ERBB2: variants seen among roughly 807,000 people sequenced by gnomAD.
ERBB2 encodes receptor tyrosine-protein kinase erbB-2.
Under a neutral mutation model 149.0 loss-of-function variants are expected in ERBB2, and 61 were observed. The ratio of observed to expected loss-of-function variants is 0.41; its 90% CI spans 0.33 to 0.51. ERBB2 has a LOEUF of 0.51. ERBB2 is among the 20% of genes least tolerant of loss of function. The pLI is 0.25. For missense variants in ERBB2, 1,205 were observed against 1,655.1 expected (o/e 0.73, Z 4.72); for synonymous variants, 633 against 678.8 (o/e 0.93, Z 1.05).
In ERBB2 at chr17:39,707,084, G is replaced by A. The variant is rs2058489310; in HGVS notation, c.168G>A (p.Val56=). ...ACCTCTACCAGGGCTGCCAGGTGGT[G>A]CAGGGAAACCTGGAACTCACCTACC... ...LRHLYQGCQV[V]QGNLELTYLP... is the part of the protein sequence containing the mutation. Residue 56 remains valine (V), a synonymous_variant, in exon 2 of 27, where the codon GTG becomes GTA. Coordinates refer to ENST00000269571, the MANE Select transcript of ERBB2 (RefSeq NM_004448.4). 1 of 1,606,058 alleles carries A rather than the reference G, an allele frequency of 6.2e-7. No homozygotes were observed. The highest frequency in any genetic ancestry group is 1.1e-5 in the South Asian group (1 of 89,872).
At chr17:39,697,111 T>C (rs1220843321), upstream of ERBB2, among the ~76,000 whole-genome samples, 5 of 152,154 alleles carry the variant, frequency 3.3e-5, no homozygotes, top group African/African-American at 1.2e-4. Context: ...TAAGACATCC[T>C]GGGCAAATTG....
rs373824622 is a variant in ERBB2, at chr17:39,708,478, C to G, written c.383C>G (p.Pro128Arg). ...GGAGACCCGCTGAACAATACCACCC[C>G]TGTCACAGGGGCCTCCCCAGGAGGC... ...DNGDPLNNTT[P>R]VTGASPGGLR... Residue 128 changes from proline to arginine, a missense_variant, in exon 3 of 27, where the codon CCT (proline) becomes CGT (arginine). Around this residue, in one of 6 missense-constraint regions of ERBB2, gnomAD observed 569 missense variants for 803.5 expected, o/e 0.71. Transcript: ENST00000269571. 5 of 1,614,206 alleles carry G rather than the reference C, an allele frequency of 3.1e-6. No individual in the cohort carries two copies. In the African/African-American group the frequency reaches 5.3e-5, roughly 17 times the overall value.
upstream of ERBB2, among the ~76,000 whole-genome samples, chr17:39,698,282 C>T (rs1244269947): frequency 6.8e-6 from 1 of 147,356 alleles, no homozygotes; most frequent in East Asian, 2.0e-4. Flanking sequence ...TTTTTTGACA[C>T]GGAGTCTCAC....
At chr17:39,719,305 T>A (rs1040063870) in intron 15 of ERBB2, among the ~76,000 whole-genome samples, 2 of 152,020 alleles carry the variant, frequency 1.3e-5, no homozygotes, top group African/African-American at 4.8e-5. Flanking sequence ...CAGATCCATA[T>A]GGATCCTAGA....
chr17:39,704,917 G>A (rs569597539), intron 1 of ERBB2, among the ~76,000 whole-genome samples: 40 of 152,104 alleles, frequency 2.6e-4, no homozygotes, highest in Non-Finnish European at 5.0e-4. Flanking sequence ...GGGAGAATTA[G>A]TGTGTATTTA....
intron 1 of ERBB2, 177 bp from the exon 2 acceptor site, chr17:39,706,813 C>G: frequency 2.1e-6 from 1 of 471,004 alleles, no homozygotes; most frequent in Non-Finnish European, 3.5e-6. Context: ...TTCCCAAGCA[C>G]GCAAGCTTTC....
At chr17:39,693,409 AAC>A (rs2057755042), upstream of ERBB2, 1 of 152,222 alleles carries the variant, frequency 6.6e-6, no homozygotes. Flanking sequence ...TACAGTATAT[AAC>A]ACATATCACA....
intron 7 of ERBB2, among the ~76,000 whole-genome samples, chr17:39,710,926 T>C (rs2058758819): frequency 6.6e-6 from 1 of 152,246 alleles, no homozygotes; most frequent in Non-Finnish European, 1.5e-5. Flanking sequence ...CGTTTTGTTT[T>C]TGAGACCGAA....
chr17:39,725,691 C>T lies in ERBB2; in HGVS notation c.2726-16C>T, dbSNP rs2059717367. ...TCCCTCTGGCCCTCCCACTCCTGAC[C>T]CTGTCTCTGCCTTAGGTGTGACTGT... On this transcript the variant is annotated splice_polypyrimidine_tract_variant and intron_variant, in intron 22 of 26. Transcript: ENST00000269571. This position sits in a 1 kb window ranked among gnomAD's most constrained non-coding sequence, Gnocchi z 4.6. The T allele has an allele frequency of 6.2e-7, 1 of 1,601,756 alleles. No individual in the cohort carries two copies. Among genetic ancestry groups the T allele is most frequent in the Non-Finnish European group, 8.5e-7 (1 of 1,173,466 alleles).
At position 39,712,414 on chromosome 17, in the gene ERBB2, G is replaced by T. The variant is rs2145578949; in HGVS notation, c.1114G>T (p.Gly372Trp). ...GTTTGCTGGCTGCAAGAAGATCTTT[G>T]GGAGCCTGGCATTTCTGCCGGAGAG... ...QEFAGCKKIF[G>W]SLAFLPESFD... The change falls in exon 9 of 27, where the codon GGG becomes TGG. Residue 372 changes from glycine to tryptophan, a missense_variant. By Grantham distance (184) the Gly-to-Trp change is radical. Coordinates refer to ENST00000269571, the MANE Select transcript of ERBB2 (RefSeq NM_004448.4). 3 of 1,613,688 alleles carry T rather than the reference G, an allele frequency of 1.9e-6. No individual in the cohort carries two copies. Among genetic ancestry groups the T allele is most frequent in the Non-Finnish European group, 2.5e-6 (3 of 1,179,782 alleles).
chr17:39,691,717 C>T (rs952477059), upstream of ERBB2, among the ~76,000 whole-genome samples: 1 of 148,200 alleles, frequency 6.7e-6, no homozygotes, highest in African/African-American at 2.5e-5. Context: ...TCATTGTTTT[C>T]AATAGCAAGA....
In ERBB2 at chr17:39,715,535, A is replaced by G. The variant is rs2145642118; in HGVS notation, c.1312A>G (p.Asn438Asp). Residue 438 changes from asparagine to aspartate, a missense_variant and splice_region_variant, in exon 11 of 27, where the codon AAT becomes GAT. Around this residue, in one of 6 missense-constraint regions of ERBB2, gnomAD observed 569 missense variants for 803.5 expected, o/e 0.71. Transcript: ENST00000269571. Reference protein sequence around the residue: ...LQVIRGRILHNGAYSLTLQGL... With the variant: ...LQVIRGRILHDGAYSLTLQGL... Reference sequence around the variant, plus strand: ...AGTAATCCGGGGACGAATTCTGCACAAGTGAGCACTGAGAAAGAGGGGGCC... The same window carrying G: ...AGTAATCCGGGGACGAATTCTGCACGAGTGAGCACTGAGAAAGAGGGGGCC... 6.2e-7 allele frequency: 1 copy of G among 1,614,018 alleles called. No individual in the cohort carries two copies. Among genetic ancestry groups the G allele is most frequent in the Non-Finnish European group, 8.5e-7 (1 of 1,179,892 alleles).
chr17:39,726,650 G>C lies in ERBB2; in HGVS notation c.2961G>C (p.Val987=). Residue 987 remains valine, a synonymous_variant, in exon 24 of 27, where the codon GTG becomes GTC. Coordinates refer to ENST00000269571, the MANE Select transcript of ERBB2 (RefSeq NM_004448.4). The surrounding 1 kb of genome is among the most constrained non-coding windows in gnomAD (Gnocchi z 5.1). Reference sequence around the variant, plus strand: ...TGGCCAGGGACCCCCAGCGCTTTGTGGTCATCCAGGTACTGGGCCTCTGTG... The same window carrying C: ...TGGCCAGGGACCCCCAGCGCTTTGTCGTCATCCAGGTACTGGGCCTCTGTG... ...SRMARDPQRF[V]VIQNEDLGPA... is the part of the protein sequence containing the mutation. 1.9e-6 allele frequency: 3 copies of C among 1,614,130 alleles called. No homozygotes were observed. The highest frequency in any genetic ancestry group is 2.5e-6 in the Non-Finnish European group (3 of 1,179,956).
chr17:39,691,574 T>TATATACACACAC (rs1244087250), upstream of ERBB2, among the ~76,000 whole-genome samples: 11 of 122,048 alleles, frequency 9.0e-5, no homozygotes, highest in African/African-American at 4.4e-4. Flanking sequence ...TATATATATA[T>TATATACACACAC]ACACACACAC....
chr17:39,697,567 G>T (rs1458403462), upstream of ERBB2, among the ~76,000 whole-genome samples: 1 of 151,900 alleles, frequency 6.6e-6, no homozygotes, highest in Non-Finnish European at 1.5e-5. Context: ...TGTTGGTCAG[G>T]CTGGTACCAA....
Position 39,725,521 on chromosome 17 carries a change from C to T in ERBB2, c.2725+119C>T. On this transcript the variant is annotated intron_variant, in intron 22 of 26. Coordinates refer to ENST00000269571, the MANE Select transcript of ERBB2 (RefSeq NM_004448.4). The surrounding 1 kb of genome is among the most constrained non-coding windows in gnomAD (Gnocchi z 4.6). ...GCATGTGAAGGGAGGGAAGGGGCTGCCTGTGCCCCACCTTGCAGGGTCTGT... is the reference window on the plus strand; with the variant it reads ...GCATGTGAAGGGAGGGAAGGGGCTGTCTGTGCCCCACCTTGCAGGGTCTGT... The T allele has an allele frequency of 8.0e-7, 1 of 1,243,318 alleles. No homozygotes were observed. Among genetic ancestry groups the T allele is most frequent in the Non-Finnish European group, 1.2e-6 (1 of 868,652 alleles). 77.0% of individuals were successfully genotyped at this position (1,243,318 alleles called of 1,614,324 possible).
rs2058661684 is a variant in ERBB2, at chr17:39,709,434, A to G, written c.556A>G (p.Thr186Ala). The G allele has an allele frequency of 1.9e-6, 3 of 1,613,794 alleles. No individual in the cohort carries two copies. The highest frequency in any genetic ancestry group is 2.5e-6 in the Non-Finnish European group (3 of 1,179,972). ...NNQLALTLID[T>A]NRSRACHPCS... is the part of the protein sequence containing the mutation. ...CCAGCTGGCTCTCACACTGATAGAC[A>G]CCAACCGCTCTCGGGCCTGTAAGCC... is the stretch of plus-strand genomic sequence containing the variant. The change falls in exon 4 of 27, where the codon ACC (threonine) becomes GCC (alanine). Residue 186 changes from threonine (T) to alanine (A), a missense_variant. Physicochemically the swap from Thr to Ala is moderately conservative, Grantham distance 58. Around this residue, in one of 6 missense-constraint regions of ERBB2, gnomAD observed 569 missense variants for 803.5 expected, o/e 0.71. Coordinates refer to ENST00000269571, the MANE Select transcript of ERBB2 (RefSeq NM_004448.4).
At chr17:39,702,733 G>GCTA (rs1427446033) in intron 1 of ERBB2, among the ~76,000 whole-genome samples, 1 of 152,148 alleles carries the variant, frequency 6.6e-6, no homozygotes, top group African/African-American at 2.4e-5. Flanking sequence ...AGAAATGTAC[G>GCTA]GTGTACTTCC....
At position 39,723,508 on chromosome 17, in the gene ERBB2, C is replaced by T. The variant is rs368668360; in HGVS notation, c.2086-30C>T. 3.7e-6 allele frequency: 6 copies of T among 1,613,444 alleles called. No individual in the cohort carries two copies. Among genetic ancestry groups the T allele is most frequent in the South Asian group, 3.3e-5 (3 of 91,018 alleles). ...CCCGCGTGGGGTCTGCACCGGCCCC[C>T]GGCACTGACCCACCACCCCCTCACC... On this transcript the variant is annotated intron_variant, in intron 17 of 26. Transcript: ENST00000269571. The surrounding 1 kb of genome is among the most constrained non-coding windows in gnomAD (Gnocchi z 6.2).
Sources: allele counts gnomAD v4.1 joint callset (sites outside exome capture counted in the v4.1 genomes callset), GRCh38; gene constraint gnomAD v4.1.1; regional missense constraint gnomAD v4.1.1; non-coding constraint Gnocchi (gnomAD v3.1); transcripts MANE v1.5; gene names NCBI Gene and HGNC (gene_info 2026-07-23, HGNC 2026-07-21).